Variants in UPF1 observed in about 807,000 individuals in gnomAD.
The protein encoded by UPF1 is regulator of nonsense transcripts 1.
In UPF1, 9 loss-of-function variants were observed where a neutral mutation model predicts 129.2. The observed-to-expected ratio is 0.07, with a 90% CI of 0.04 to 0.12. UPF1 has a LOEUF of 0.12. Ranked by LOEUF, UPF1 falls within the 10% of genes least tolerant of loss-of-function variation. The pLI is 1.00. For synonymous variants in UPF1, 649 were observed against 644.9 expected (o/e 1.01, Z -0.10); for missense variants, 788 against 1,525.3 (o/e 0.52, Z 8.05).
intron 2 of UPF1, 80 bp downstream of exon 2, chr19:18,846,199 A>T: frequency 1.3e-6 from 2 of 1,581,246 alleles, no homozygotes; most frequent in Non-Finnish European, 1.7e-6. Context: ...CTCACCTCCC[A>T]GGTACAGGGT....
intron 18 of UPF1, 187 bp from the exon 19 acceptor site, chr19:18,863,251 T>C: frequency 1.4e-6 from 1 of 701,762 alleles, no homozygotes; most frequent in Admixed American, 2.4e-5. Context: ...TCAACCCGTG[T>C]GCAGGGTCAG....
At position 18,850,463 on chromosome 19, in the gene UPF1, T is replaced by G. The variant is rs539774130; in HGVS notation, c.629+221T>G. ...CTTTTGGGGCGTTCTGGCTAAGTCA[T>G]AAAAACAATTCTGTAAAAACAAAGT... On this transcript the variant is annotated intron_variant, in intron 4 of 23. Transcript: ENST00000262803. The surrounding 1 kb of genome is among the most constrained non-coding windows in gnomAD (Gnocchi z 7.1). 6.6e-6 allele frequency among the ~76,000 whole-genome samples: 1 copy of G among 152,354 alleles called. No homozygotes were observed. The highest frequency in any genetic ancestry group is 2.4e-5 in the African/African-American group (1 of 41,584).
intron 2 of UPF1, among the ~76,000 whole-genome samples, chr19:18,846,973 G>A (rs1006487813): frequency 2.0e-5 from 3 of 152,236 alleles, no homozygotes; most frequent in Non-Finnish European, 2.9e-5. Context: ...CAGCCTGAGC[G>A]ACAGTCACGG....
rs1244968791 is a variant in UPF1 at position 18,847,852 on chromosome 19, C to T, written c.461+19C>T. The T allele has an allele frequency of 6.2e-7, 1 of 1,610,494 alleles. No homozygotes were observed. The highest frequency in any genetic ancestry group is 1.7e-5 in the Admixed American group (1 of 59,992). On this transcript the variant is annotated intron_variant, in intron 3 of 23. Coordinates refer to ENST00000262803, the MANE Select transcript of UPF1 (RefSeq NM_002911.4). ...CTGGCAGGTAGATAATCAGACCATG[C>T]ATGTGTGTTTAATCAGTGCTGTGCT...
Position 18,832,742 on chromosome 19 carries a change from C to T in UPF1, c.231+302C>T, listed in dbSNP as rs1182932376. On this transcript the variant is annotated intron_variant, in intron 1 of 23. Coordinates refer to ENST00000262803, the MANE Select transcript of UPF1 (RefSeq NM_002911.4). The surrounding 1 kb of genome is among the most constrained non-coding windows in gnomAD (Gnocchi z 5.6). ...CTTGCCTCGAGTCCTCCACTTCGTTCGGGACCGAGCTAACCTGACCCTGTT... is the reference window on the plus strand; with the variant it reads ...CTTGCCTCGAGTCCTCCACTTCGTTTGGGACCGAGCTAACCTGACCCTGTT... Among the ~76,000 whole-genome samples, 3 of 152,194 alleles carry T rather than the reference C, an allele frequency of 2.0e-5. No homozygotes were observed. The highest frequency in any genetic ancestry group is 7.2e-5 in the African/African-American group (3 of 41,430).
At chr19:18,863,722 C>T in intron 19 of UPF1, 110 bp downstream of exon 19, 1 of 1,338,896 alleles carries the variant, frequency 7.5e-7, no homozygotes, top group Non-Finnish European at 1.0e-6. Context: ...GAGGGCTCTC[C>T]TAGGGGAGGG....
chr19:18,837,186 C>T (rs112285712), intron 1 of UPF1, among the ~76,000 whole-genome samples: 3 of 151,556 alleles, frequency 2.0e-5, no homozygotes, highest in African/African-American at 7.3e-5. Context: ...ACCTCCTGGG[C>T]TCAAGCGATC....
chr19:18,856,800 G>T (rs1182309334), intron 13 of UPF1, 77 bp from the exon 14 acceptor site: 1 of 1,526,490 alleles, frequency 6.6e-7, no homozygotes, highest in South Asian at 1.3e-5. Flanking sequence ...GAGCTTCTGT[G>T]TTCTGTCCCA....
intron 1 of UPF1, among the ~76,000 whole-genome samples, chr19:18,837,665 C>T (rs1179985308): frequency 6.6e-6 from 1 of 152,184 alleles, no homozygotes; most frequent in African/African-American, 2.4e-5. Context: ...CAGCAACACG[C>T]ATGTTTTTGT....
In UPF1 at chr19:18,832,565, A is replaced by G. The variant is rs2055439540; in HGVS notation, c.231+125A>G. 2 of 695,674 alleles carry G rather than the reference A, an allele frequency of 2.9e-6. No individual in the cohort carries two copies. Among genetic ancestry groups the G allele is most frequent in the South Asian group, 1.3e-4 (2 of 15,680 alleles). The allele number at this position is 695,674 out of a possible 1,614,324, so 43.1% of individuals were successfully genotyped here. On this transcript the variant is annotated intron_variant, in intron 1 of 23. Coordinates refer to ENST00000262803, the MANE Select transcript of UPF1 (RefSeq NM_002911.4). This position sits in a 1 kb window ranked among gnomAD's most constrained non-coding sequence, Gnocchi z 5.6. The stretch of plus-strand genomic sequence containing the variant: ...CCCCATCGCGGCCGGGCCTGGGGCG[A>G]TCTGCCCCGGGTCCCCTACTCTGGC...
At chr19:18,837,972 C>G (rs1385115628) in intron 1 of UPF1, among the ~76,000 whole-genome samples, 1 of 152,246 alleles carries the variant, frequency 6.6e-6, no homozygotes, top group Non-Finnish European at 1.5e-5. Flanking sequence ...GCCTCCACTT[C>G]TCTGAGTGTG....
rs760966602 is a variant in UPF1 at position 18,860,309 on chromosome 19, C to T, written c.2183-12C>T. 1.2e-6 allele frequency: 2 copies of T among 1,613,548 alleles called. No individual in the cohort carries two copies. Among genetic ancestry groups the T allele is most frequent in the South Asian group, 1.1e-5 (1 of 91,074 alleles). ...GGCTTTTGAAGTGTTACTTCTTTCCCTCCCCTCACAGCGGATCGTGTGAAG... is the reference window on the plus strand; with the variant it reads ...GGCTTTTGAAGTGTTACTTCTTTCCTTCCCCTCACAGCGGATCGTGTGAAG... On this transcript the variant is annotated splice_polypyrimidine_tract_variant and intron_variant, in intron 15 of 23. Coordinates refer to ENST00000262803, the MANE Select transcript of UPF1 (RefSeq NM_002911.4).
rs761865921 is a variant in UPF1 at position 18,852,137 on chromosome 19, A to G, written c.813A>G (p.Glu271=). 5.6e-6 allele frequency: 9 copies of G among 1,604,114 alleles called. No individual in the cohort carries two copies. Among genetic ancestry groups the G allele is most frequent in the South Asian group, 5.5e-5 (5 of 90,160 alleles). The change falls in exon 6 of 24, where the codon GAA becomes GAG. Residue 271 remains glutamate (E), a splice_region_variant and synonymous_variant. Transcript: ENST00000262803. The part of the protein sequence containing the change: ...QINKLEELWK[E]NPSATLEDLE... ...GGCGCGGTGTTGTTGTCTTCTAGGA[A>G]AACCCTTCTGCCACGCTGGAGGACC...
chr19:18,857,393 C>T lies in UPF1; in HGVS notation c.2042C>T (p.Ser681Leu). 6.2e-7 allele frequency: 1 copy of T among 1,613,524 alleles called. No individual in the cohort carries two copies. The highest frequency in any genetic ancestry group is 8.5e-7 in the Non-Finnish European group (1 of 1,180,036). Residue 681 changes from serine (S) to leucine (L), a missense_variant, in exon 15 of 24, where the codon TCA becomes TTA. By Grantham distance (145) the Ser-to-Leu change is moderately radical (BLOSUM62 -2). Transcript: ENST00000262803. Reference protein sequence around the residue: ...MCKKAAKAGLSQSLFERLVVL... With the variant: ...MCKKAAKAGLLQSLFERLVVL... ...AAGAAGGCGGCCAAGGCCGGGCTGTCACAGTCGCTCTTCGAGCGCCTGGTG... is the reference window on the plus strand; with the variant it reads ...AAGAAGGCGGCCAAGGCCGGGCTGTTACAGTCGCTCTTCGAGCGCCTGGTG...
chr19:18,855,140 CTG>C lies in UPF1; in HGVS notation c.1445_1446del (p.Val482AlafsTer68). On this transcript the variant is annotated frameshift_variant, in exon 11 of 24. Coordinates refer to ENST00000262803, the MANE Select transcript of UPF1 (RefSeq NM_002911.4). LOFTEE classifies it high-confidence loss of function. Reference sequence around the variant, plus strand: ...GTATTGAAGGTTTATGCCGTGAAGACTGTGCTGCAAAGACCACTGAGCCTGAT... The same window carrying C: ...GTATTGAAGGTTTATGCCGTGAAGACTGCTGCAAAGACCACTGAGCCTGAT... 1.2e-6 allele frequency: 2 copies of C among 1,613,994 alleles called. No individual in the cohort carries two copies. The highest frequency in any genetic ancestry group is 8.5e-7 in the Non-Finnish European group (1 of 1,179,976).
chr19:18,860,465 C>G, intron 16 of UPF1, 27 bp downstream of exon 16: 2 of 1,607,062 alleles, frequency 1.2e-6, no homozygotes, highest in African/African-American at 2.7e-5. Context: ...CCACCGGCGT[C>G]TGCAGGTCTT....
rs2055661850 is a variant in UPF1, at chr19:18,851,840, G to T, written c.811-295G>T. Among the ~76,000 whole-genome samples the T allele has an allele frequency of 6.6e-6, 1 of 152,258 alleles. No homozygotes were observed. Among genetic ancestry groups the T allele is most frequent in the South Asian group, 2.1e-4 (1 of 4,838 alleles). ...GCTGTGGACAGTGTGTCAGGCTGGT[G>T]CCTGGGGCTTTGTAGGCAGGTTCAC... On this transcript the variant is annotated intron_variant, in intron 5 of 23. Coordinates refer to ENST00000262803, the MANE Select transcript of UPF1 (RefSeq NM_002911.4). The surrounding 1 kb of genome is among the most constrained non-coding windows in gnomAD (Gnocchi z 4.2).
Position 18,860,447 on chromosome 19 carries a change from G to A in UPF1, c.2300+9G>A. The stretch of plus-strand genomic sequence containing the variant: ...ACCTCCTACCTGAACAGGTGAGCAG[G>A]GACAGGCCCACCGGCGTCTGCAGGT... On this transcript the variant is annotated intron_variant, in intron 16 of 23. Coordinates refer to ENST00000262803, the MANE Select transcript of UPF1 (RefSeq NM_002911.4). The A allele has an allele frequency of 6.2e-7, 1 of 1,613,270 alleles. No homozygotes were observed. Among genetic ancestry groups the A allele is most frequent in the East Asian group, 2.2e-5 (1 of 44,876 alleles).
chr19:18,860,688 G>T, intron 16 of UPF1, 138 bp from the exon 17 acceptor site: 1 of 1,289,396 alleles, frequency 7.8e-7, no homozygotes, highest in East Asian at 2.5e-5. Context: ...GTGAAGGCTG[G>T]GGAAGCTCAG....
Sources: allele counts gnomAD v4.1 joint callset (sites outside exome capture counted in the v4.1 genomes callset), GRCh38; gene constraint gnomAD v4.1.1; non-coding constraint Gnocchi (gnomAD v3.1); transcripts MANE v1.5; gene names NCBI Gene and HGNC (gene_info 2026-07-23, HGNC 2026-07-21).